SLC6A8: variants seen among roughly 807,000 people sequenced by gnomAD.
SLC6A8 encodes the protein solute carrier family 6 member 8.
A neutral mutation model predicts 48.3 loss-of-function variants in SLC6A8; 6 were observed. That is an observed-to-expected ratio of 0.12 (90% CI 0.07 to 0.25). The LOEUF (loss-of-function observed/expected upper bound fraction) is 0.25. SLC6A8 is among the 10% of genes least tolerant of loss of function. SLC6A8 has a pLI of 1.00. For synonymous variants in SLC6A8, 245 were observed against 244.0 expected (o/e 1.00, Z -0.04); for missense variants, 260 against 551.5 (o/e 0.47, Z 5.29).
chrX:153,695,905 C>T lies in SLC6A8; in HGVS notation c.*691C>T, dbSNP rs138494557. The stretch of plus-strand genomic sequence containing the variant: ...GCCAGATGTAAATGGCGCCTCTGGG[C>T]AAAGGAGGCTTGTATTTTGCACATT... On this transcript the variant is annotated 3_prime_UTR_variant, in exon 13 of 13. Coordinates refer to ENST00000253122, the MANE Select transcript of SLC6A8 (RefSeq NM_005629.4). 8.2e-3 allele frequency: 1,022 copies of T among 124,772 alleles called. 12 individuals are homozygous for T. Among genetic ancestry groups the T allele is most frequent in the African/African-American group, 0.032 (981 of 31,084 alleles). The allele number at this position is 124,772 out of a possible 1,213,427, so 10.3% of individuals were successfully genotyped here. A position where few individuals can be genotyped will look rare whatever the true frequency, so the allele number is the denominator to read the frequency against.
In SLC6A8 at chrX:153,692,835, C is replaced by T. The variant is rs140587790; in HGVS notation, c.778-206C>T. ...ACCGACACGCGTCCCTGCAGACAAA[C>T]GAGGCGCCCAGGGAGCTTCCCCACT... is the stretch of plus-strand genomic sequence containing the variant. On this transcript the variant is annotated intron_variant, in intron 4 of 12. Coordinates refer to ENST00000253122, the MANE Select transcript of SLC6A8 (RefSeq NM_005629.4). 7.2e-3 allele frequency: 3,673 copies of T among 512,856 alleles called. 82 individuals carry two copies. The highest frequency in any genetic ancestry group is 0.062 in the East Asian group (1,630 of 26,392). The allele number at this position is 512,856 out of a possible 1,213,427, so 42.3% of individuals were successfully genotyped here. A position where few individuals can be genotyped will look rare whatever the true frequency, so the allele number is the denominator to read the frequency against.
Position 153,687,992 on chromosome X carries a change from A to AGCCGCC in SLC6A8, c.-575_-570dup. On this transcript the variant is annotated 5_prime_UTR_variant, in exon 1 of 13. Coordinates refer to ENST00000253122, the MANE Select transcript of SLC6A8 (RefSeq NM_005629.4). ...CCGCCGCGGCCCCGAGAGCGGCTGC[A>AGCCGCC]GCCGCCGCCGCCGGGAAGGAGAGGG... The AGCCGCC allele has an allele frequency of 9.5e-6, 1 of 105,189 alleles. No individual in the cohort carries two copies. Among genetic ancestry groups the AGCCGCC allele is most frequent in the Non-Finnish European group, 2.0e-5 (1 of 50,320 alleles). 8.7% of individuals were successfully genotyped at this position (105,189 alleles called of 1,213,427 possible).
rs2091458811 is a variant in SLC6A8 at position 153,692,020 on chromosome X, C to A, written c.690C>A (p.Ala230=). The A allele has an allele frequency of 8.4e-7, 1 of 1,191,476 alleles. No homozygotes were observed. The highest frequency in any genetic ancestry group is 1.1e-6 in the Non-Finnish European group (1 of 880,421). ...CTGGGGGACTGGAGGTGCCAGGGGC[C>A]CTCAACTGGGAGGTGACCCTTTGTC... The part of the protein sequence containing the change: ...RLSGGLEVPG[A]LNWEVTLCLL... Residue 230 remains alanine (A), a synonymous_variant, in exon 4 of 13, where the codon GCC becomes GCA. Transcript: ENST00000253122.
At chrX:153,692,158 A>G (rs1557044591) in intron 4 of SLC6A8, 51 bp downstream of exon 4, 3 of 1,146,055 alleles carry the variant, frequency 2.6e-6, no homozygotes, top group Non-Finnish European at 3.6e-6. Flanking sequence ...TGGGAGCCGG[A>G]TGTCTGTGCC....
intron 12 of SLC6A8, 43 bp downstream of exon 12, chrX:153,694,932 A>G: frequency 1.4e-6 from 1 of 711,644 alleles, no homozygotes; most frequent in Non-Finnish European, 2.0e-6. Flanking sequence ...CCTGCTGTGA[A>G]CATTCAACCC....
At chrX:153,688,926 G>A in intron 1 of SLC6A8, 90 bp downstream of exon 1, 2 of 496,343 alleles carry the variant, frequency 4.0e-6, no homozygotes, top group Non-Finnish European at 5.5e-6. Context: ...GGTGAAGTCC[G>A]GGCAACGGGT....
At position 153,691,614 on chromosome X, in the gene SLC6A8, G is replaced by A. The variant is rs782158815; in HGVS notation, c.644+61G>A. 41 of 1,181,147 alleles carry A rather than the reference G, an allele frequency of 3.5e-5. No individual in the cohort carries two copies. The African/African-American group carries it at 5.8e-4, about 17-fold the overall frequency. ...CCCCCAGGTCTCCCTCATGTTGCCC[G>A]GCTCCAGGGGAGTGGCCCTGAGGGG... On this transcript the variant is annotated intron_variant, in intron 3 of 12. Transcript: ENST00000253122.
At chrX:153,691,852 G>C (rs782664336) in intron 3 of SLC6A8, 123 bp from the exon 4 acceptor site, 15 of 834,978 alleles carry the variant, frequency 1.8e-5, no homozygotes, top group Middle Eastern at 4.2e-4. Context: ...AGCCCAATTG[G>C]ACAAGAGGGA....
chrX:153,690,650 C>G (rs2091450089), intron 2 of SLC6A8, 144 bp downstream of exon 2: 1 of 667,901 alleles, frequency 1.5e-6, no homozygotes, highest in African/African-American at 2.2e-5. Flanking sequence ...AGGAGATGTT[C>G]AGGCCGCACA....
At chrX:153,690,276 G>A (rs2091448090) in intron 1 of SLC6A8, 99 bp from the exon 2 acceptor site, 8 of 947,447 alleles carry the variant, frequency 8.4e-6, no homozygotes, top group South Asian at 4.2e-5. Flanking sequence ...TCACCCAGTC[G>A]GAAGTTGTGA....
rs187134918 is a variant in SLC6A8, at chrX:153,696,559, C to G, written c.*1345C>G. 2.3e-3 allele frequency: 711 copies of G among 304,571 alleles called. 1 individual carries two copies. The highest frequency in any genetic ancestry group is 7.4e-3 in the Middle Eastern group (14 of 1,891). 25.1% of individuals were successfully genotyped at this position (304,571 alleles called of 1,213,427 possible). Reference sequence around the variant, plus strand: ...TACTGTGCTAAAAAGCCACTGCAGACATAGCAATAAAAACATGTCATTTTC... The same window carrying G: ...TACTGTGCTAAAAAGCCACTGCAGAGATAGCAATAAAAACATGTCATTTTC... On this transcript the variant is annotated 3_prime_UTR_variant, in exon 13 of 13. Coordinates refer to ENST00000253122, the MANE Select transcript of SLC6A8 (RefSeq NM_005629.4).
rs782696303 is a variant in SLC6A8, at chrX:153,694,355, C to T, written c.1404C>T (p.Tyr468=). The T allele has an allele frequency of 3.4e-5, 41 of 1,208,891 alleles. No homozygotes were observed. Among genetic ancestry groups the T allele is most frequent in the South Asian group, 1.6e-4 (9 of 56,768 alleles). The change falls in exon 10 of 13, where the codon TAC becomes TAT. Residue 468 remains tyrosine (Y), a synonymous_variant. Transcript: ENST00000253122. ...GCTCTGTCCCCCAGGGCGGGATGTA[C>T]GTCTTCCAGCTGTTTGACTACTACT... The part of the protein sequence containing the change: ...DLSMVTDGGM[Y]VFQLFDYYSA...
chrX:153,688,904 C>A, intron 1 of SLC6A8, 68 bp downstream of exon 1: 2 of 726,255 alleles, frequency 2.8e-6, no homozygotes, highest in Non-Finnish European at 3.7e-6. Context: ...ACCCCCGGAG[C>A]CGCCGCGGAG....
At position 153,696,337 on chromosome X, in the gene SLC6A8, A is replaced by G. The variant is rs2091491991; in HGVS notation, c.*1123A>G. On this transcript the variant is annotated 3_prime_UTR_variant, in exon 13 of 13. Coordinates refer to ENST00000253122, the MANE Select transcript of SLC6A8 (RefSeq NM_005629.4). The stretch of plus-strand genomic sequence containing the variant: ...GCACACCCCCAGGAAGGGACCCTGG[A>G]CACGGCTCCCACGTCCAGGCTTAAG... 3.9e-5 allele frequency: 13 copies of G among 329,464 alleles called. No homozygotes were observed. The highest frequency in any genetic ancestry group is 1.6e-4 in the South Asian group (6 of 38,294). The allele number at this position is 329,464 out of a possible 1,213,427, so 27.2% of individuals were successfully genotyped here. A position where few individuals can be genotyped will look rare whatever the true frequency, so the allele number is the denominator to read the frequency against.
At position 153,690,280 on chromosome X, in the gene SLC6A8, G is replaced by A. The variant is rs781935377; in HGVS notation, c.263-95G>A. On this transcript the variant is annotated intron_variant, in intron 1 of 12. Coordinates refer to ENST00000253122, the MANE Select transcript of SLC6A8 (RefSeq NM_005629.4). ...CCTACACTGACTCACCCAGTCGGAA[G>A]TTGTGATGGGGCCTTTGGAGTCTGG... 3.4e-3 allele frequency: 3,311 copies of A among 984,420 alleles called. 10 individuals are homozygous for A. The highest frequency in any genetic ancestry group is 3.2e-3 in the Middle Eastern group (11 of 3,424). The allele number at this position is 984,420 out of a possible 1,213,427, so 81.1% of individuals were successfully genotyped here. A position where few individuals can be genotyped will look rare whatever the true frequency, so the allele number is the denominator to read the frequency against.
rs201044530 is a variant in SLC6A8 at position 153,694,814 on chromosome X, C to T, written c.1692C>T (p.Phe564=). The change falls in exon 12 of 13, where the codon TTC becomes TTT. Residue 564 remains phenylalanine, a synonymous_variant. Coordinates refer to ENST00000253122, the MANE Select transcript of SLC6A8 (RefSeq NM_005629.4). ...PWWGEAMGWA[F]ALSSMLCVPL... is the part of the protein sequence containing the mutation. The stretch of plus-strand genomic sequence containing the variant: ...GGGGTGAGGCCATGGGCTGGGCCTT[C>T]GCCCTGTCCTCCATGCTGTGCGTGC... The T allele has an allele frequency of 7.9e-5, 95 of 1,208,582 alleles. No individual in the cohort carries two copies. The highest frequency in any genetic ancestry group is 6.8e-4 in the East Asian group (23 of 33,766).
Position 153,692,813 on chromosome X carries a change from G to A in SLC6A8, c.778-228G>A, listed in dbSNP as rs1407067725. 1.4e-4 allele frequency: 69 copies of A among 487,735 alleles called. No individual in the cohort carries two copies. The African/African-American group carries it at 1.5e-3, about 11-fold the overall frequency. 40.2% of individuals were successfully genotyped at this position (487,735 alleles called of 1,213,427 possible). On this transcript the variant is annotated intron_variant, in intron 4 of 12. Transcript: ENST00000253122. ...CCCAGAGGCTCGCCTGCTCCCCACC[G>A]ACACGCGTCCCTGCAGACAAACGAG...
chrX:153,694,966 G>T, intron 12 of SLC6A8, 77 bp downstream of exon 12: 3 of 1,123,865 alleles, frequency 2.7e-6, no homozygotes, highest in Non-Finnish European at 3.6e-6. Context: ...GCCAGGGAGT[G>T]GCCCCGACTA....
rs2091476089 is a variant in SLC6A8 at position 153,694,433 on chromosome X, G to C, written c.1482G>C (p.Val494=). The part of the protein sequence containing the change: ...LWQAFWECVV[V]AWVYGADRFM... ...AGGCCTTTTGGGAGTGCGTGGTGGT[G>C]GCCTGGGTGTACGGTAGGTCATGGC... The change falls in exon 10 of 13, where the codon GTG becomes GTC. Residue 494 remains valine, a synonymous_variant. Coordinates refer to ENST00000253122, the MANE Select transcript of SLC6A8 (RefSeq NM_005629.4). 2 of 1,205,789 alleles carry C rather than the reference G, an allele frequency of 1.7e-6. No homozygotes were observed. The highest frequency in any genetic ancestry group is 3.5e-5 in the African/African-American group (2 of 56,992).
Sources: gnomAD v4.1 joint callset for allele counts on GRCh38, gnomAD v4.1.1 for gene constraint, MANE v1.5 for transcripts, NCBI Gene and HGNC (gene_info 2026-07-23, HGNC 2026-07-21) for gene names.